GABRA3: variants seen among roughly 807,000 people sequenced by gnomAD.
The protein encoded by GABRA3 is gamma-aminobutyric acid type A receptor subunit alpha3.
Under a neutral mutation model 30.1 loss-of-function variants are expected in GABRA3, and 10 were observed. The ratio of observed to expected loss-of-function variants is 0.33; its 90% CI spans 0.20 to 0.56. The LOEUF (loss-of-function observed/expected upper bound fraction) is 0.56, where lower values mean the gene tolerates loss of function less well. GABRA3 is among the 20% of genes least tolerant of loss of function. The pLI, the probability that GABRA3 is intolerant of heterozygous loss-of-function variation, is 0.89. For missense variants in GABRA3, 233 were observed against 392.0 expected (o/e 0.59, Z 3.42); for synonymous variants, 151 against 146.8 (o/e 1.03, Z -0.21).
At chrX:152,241,705 T>C (rs1305683593) in intron 5 of GABRA3, among the ~76,000 whole-genome samples, 11 of 108,022 alleles carry the variant, frequency 1.0e-4, no homozygotes, top group Non-Finnish European at 2.1e-4. Context: ...TATAGTCTCG[T>C]GGTGCGCCGT....
At chrX:152,241,877 CGCACCCACTGGCCT>C (rs563988737) in intron 5 of GABRA3, among the ~76,000 whole-genome samples, 5 of 111,640 alleles carry the variant, frequency 4.5e-5, no homozygotes, top group Middle Eastern at 4.6e-3. Context: ...ACACGGTGCG[CGCACCCACTGGCCT>C]GCACCCACTG....
chrX:152,364,693 TTA>T, intron 1 of GABRA3, 97 bp from the exon 2 acceptor site: 1 of 599,082 alleles, frequency 1.7e-6, no homozygotes, highest in Non-Finnish European at 2.5e-6. Flanking sequence ...AGAGATGTTA[TTA>T]AACTCTATTA....
chrX:152,318,928 AAG>A (rs1374802626), intron 3 of GABRA3, among the ~76,000 whole-genome samples: 1 of 111,505 alleles, frequency 9.0e-6, no homozygotes, highest in East Asian at 2.8e-4. Context: ...GAACTGGAAC[AAG>A]ACAAGGATGC....
At chrX:152,302,624 G>A (rs181896256) in intron 3 of GABRA3, among the ~76,000 whole-genome samples, 27 of 110,954 alleles carry the variant, frequency 2.4e-4, no homozygotes, top group Admixed American at 2.1e-3. Flanking sequence ...GTTCAGGTTT[G>A]TCACCAAGGT....
At chrX:152,308,342 C>T (rs148107452) in intron 3 of GABRA3, among the ~76,000 whole-genome samples, 84 of 112,697 alleles carry the variant, frequency 7.5e-4, no homozygotes, top group Non-Finnish European at 9.4e-4. Flanking sequence ...GGCATGCATA[C>T]GCACAAACCC....
intron 9 of GABRA3, among the ~76,000 whole-genome samples, chrX:152,174,235 G>A (rs1480183064): frequency 2.7e-5 from 3 of 110,926 alleles, no homozygotes; most frequent in African/African-American, 9.9e-5. Context: ...ATTGTGAATA[G>A]TGCCGCAATA....
chrX:152,206,764 T>C (rs1353770788), intron 7 of GABRA3, among the ~76,000 whole-genome samples: 1 of 111,568 alleles, frequency 9.0e-6, no homozygotes, highest in Non-Finnish European at 1.9e-5. Context: ...CCAGCAGCAA[T>C]GCTCACCCAC....
At position 152,171,323 on chromosome X, in the gene GABRA3, C is replaced by T. The variant is rs1049950170; in HGVS notation, c.1144-2760G>A. The T allele has an allele frequency of 1.9e-5, 6 of 316,837 alleles. No individual in the cohort carries two copies. In the South Asian group the frequency reaches 7.9e-4, roughly 42 times the overall value. The allele number at this position is 316,837 out of a possible 1,213,427, so 26.1% of individuals were successfully genotyped here. A position where few individuals can be genotyped will look rare whatever the true frequency, so the allele number is the denominator to read the frequency against. On this transcript the variant is annotated intron_variant, in intron 9 of 9. Coordinates refer to ENST00000370314, the MANE Select transcript of GABRA3 (RefSeq NM_000808.4). ...TATAGATGGGGAGAAGCAGCAATCA[C>T]GTTAATCACAGATTTTTTAAGTAGT... is the stretch of plus-strand genomic sequence containing the variant.
intron 9 of GABRA3, among the ~76,000 whole-genome samples, chrX:152,182,489 C>A (rs1257019353): frequency 2.4e-5 from 2 of 83,430 alleles, no homozygotes; most frequent in African/African-American, 4.4e-5. Flanking sequence ...AGTATACATA[C>A]TATATATAGT....
At chrX:152,169,347 T>A (rs1293291617) in intron 9 of GABRA3, among the ~76,000 whole-genome samples, 1 of 112,443 alleles carries the variant, frequency 8.9e-6, no homozygotes, top group Non-Finnish European at 1.9e-5. Context: ...TGTAAAAGAC[T>A]CTCTGACATA....
intron 1 of GABRA3, among the ~76,000 whole-genome samples, chrX:152,406,062 G>C: frequency 9.1e-6 from 1 of 110,301 alleles, no homozygotes; most frequent in South Asian, 4.1e-4. Context: ...CACCAAGACA[G>C]TGCCTCTTGG....
At chrX:152,321,455 T>C in intron 3 of GABRA3, among the ~76,000 whole-genome samples, 1 of 111,651 alleles carries the variant, frequency 9.0e-6, no homozygotes, top group Non-Finnish European at 1.9e-5. Context: ...CATCAAAATA[T>C]GAGCACCACT....
At chrX:152,324,000 T>C (rs778658617) in intron 3 of GABRA3, among the ~76,000 whole-genome samples, 1 of 112,154 alleles carries the variant, frequency 8.9e-6, no homozygotes, top group South Asian at 3.7e-4. Context: ...CAACCTTACA[T>C]CCCCAGAGCA....
chrX:152,397,637 T>C (rs751589633), intron 1 of GABRA3, among the ~76,000 whole-genome samples: 8 of 112,150 alleles, frequency 7.1e-5, no homozygotes, highest in Non-Finnish European at 1.3e-4. Flanking sequence ...AAATCTTGAA[T>C]GATCCATCTA....
chrX:152,290,830 G>C (rs930624889), intron 3 of GABRA3, among the ~76,000 whole-genome samples: 4 of 111,611 alleles, frequency 3.6e-5, no homozygotes, highest in Admixed American at 9.5e-5. Context: ...TTGTAGATAT[G>C]TGGTGTTATT....
intron 4 of GABRA3, among the ~76,000 whole-genome samples, chrX:152,256,420 T>C (rs1185085988): frequency 9.0e-6 from 1 of 111,339 alleles, no homozygotes; most frequent in African/African-American, 3.3e-5. Context: ...AACCTTACAT[T>C]TTATCGTACA....
chrX:152,378,916 C>T (rs1194948770), intron 1 of GABRA3, among the ~76,000 whole-genome samples: 1 of 111,366 alleles, frequency 9.0e-6, no homozygotes, highest in Non-Finnish European at 1.9e-5. Flanking sequence ...AAAAAAGGTT[C>T]AACTTACCAG....
intron 2 of GABRA3, among the ~76,000 whole-genome samples, chrX:152,362,743 C>T (rs899320984): frequency 1.7e-4 from 19 of 111,351 alleles, no homozygotes; most frequent in African/African-American, 5.9e-4. Flanking sequence ...GTAGAAATGA[C>T]AAATCTTGGT....
At chrX:152,235,846 TAGAA>T (rs1250384361) in intron 5 of GABRA3, among the ~76,000 whole-genome samples, 1 of 108,811 alleles carries the variant, frequency 9.2e-6, no homozygotes, top group Non-Finnish European at 1.9e-5. Context: ...TTCACAGAAA[TAGAA>T]AGAAATCATA....
Sources: allele counts gnomAD v4.1 joint callset (sites outside exome capture counted in the v4.1 genomes callset), GRCh38; gene constraint gnomAD v4.1.1; transcripts MANE v1.5; gene names NCBI Gene and HGNC (gene_info 2026-07-23, HGNC 2026-07-21).